MCC: variants seen among roughly 807,000 people sequenced by gnomAD.
The protein encoded by MCC is colorectal mutant cancer protein.
MCC carries 90 observed loss-of-function variants against 116.2 expected under a neutral mutation model. The ratio of observed to expected loss-of-function variants is 0.77; its 90% confidence interval spans 0.65 to 0.92. The LOEUF is 0.92. Among genes scored for constraint, MCC ranks in the 40% least tolerant of loss-of-function variants. The probability of loss-of-function intolerance (pLI) is 0.00; values close to 1 mark genes in which losing one functional copy is unlikely to be tolerated. For synonymous variants in MCC, 578 were observed against 510.5 expected (o/e 1.13, Z -1.78); for missense variants, 1,516 against 1,312.2 (o/e 1.16, Z -2.40).
At chr5:113,157,392 C>T (rs1760230512) in intron 3 of MCC, among the ~76,000 whole-genome samples, 1 of 152,222 alleles carries the variant, frequency 6.6e-6, no homozygotes, top group South Asian at 2.1e-4. Flanking sequence ...CTAGATTCAT[C>T]TTTGTGGGAC....
intron 6 of MCC, among the ~76,000 whole-genome samples, chr5:113,107,202 G>GTTTTTCTTTTTTT (rs367546788): frequency 7.5e-6 from 1 of 132,508 alleles, no homozygotes; most frequent in Non-Finnish European, 1.6e-5. Context: ...ATAGTAGCAT[G>GTTTTTCTTTTTTT]TTTTTCTTTT....
chr5:113,449,558 T>C (rs1428341245), intron 1 of MCC, among the ~76,000 whole-genome samples: 1 of 152,210 alleles, frequency 6.6e-6, no homozygotes, highest in Non-Finnish European at 1.5e-5. Flanking sequence ...ATGATTTCTG[T>C]GAGGACTTAT....
intron 3 of MCC, among the ~76,000 whole-genome samples, chr5:113,163,667 C>T (rs185736599): frequency 6.6e-5 from 10 of 152,228 alleles, no homozygotes; most frequent in South Asian, 2.1e-4. Context: ...TAGAATTTCA[C>T]GCAGTATTTG....
At chr5:113,471,707 G>T (rs542364882) in intron 1 of MCC, among the ~76,000 whole-genome samples, 184 of 148,730 alleles carry the variant, frequency 1.2e-3, no homozygotes, top group Non-Finnish European at 2.2e-3. Flanking sequence ...GTCAGAGAGG[G>T]ACATTTAAGT....
intron 1 of MCC, among the ~76,000 whole-genome samples, chr5:113,481,026 C>T (rs961475841): frequency 1.3e-5 from 2 of 152,334 alleles, no homozygotes; most frequent in African/African-American, 2.4e-5. Flanking sequence ...ATCCACCTGC[C>T]TCAGCCTCCC....
At chr5:113,365,957 C>A (rs1768677285) in intron 2 of MCC, among the ~76,000 whole-genome samples, 1 of 152,176 alleles carries the variant, frequency 6.6e-6, no homozygotes. Context: ...TAATCACTTC[C>A]CACCAGGCCC....
intron 11 of MCC, among the ~76,000 whole-genome samples, chr5:113,072,585 G>C (rs1343259415): frequency 1.3e-5 from 2 of 152,128 alleles, no homozygotes; most frequent in Non-Finnish European, 2.9e-5. Flanking sequence ...CCTCACTTAA[G>C]CCATGGTGGG....
At chr5:113,275,922 T>C (rs1765804319) in intron 3 of MCC, among the ~76,000 whole-genome samples, 1 of 151,772 alleles carries the variant, frequency 6.6e-6, no homozygotes, top group Non-Finnish European at 1.5e-5. Flanking sequence ...AATGTTCAAG[T>C]GAAATTCCCT....
At chr5:113,039,212 T>A (rs1337772067) in intron 17 of MCC, among the ~76,000 whole-genome samples, 1 of 152,232 alleles carries the variant, frequency 6.6e-6, no homozygotes, top group Non-Finnish European at 1.5e-5. Context: ...TTTAAAAAGA[T>A]ATTTTTTACT....
At chr5:113,473,939 G>A (rs1772163472) in intron 1 of MCC, among the ~76,000 whole-genome samples, 1 of 152,086 alleles carries the variant, frequency 6.6e-6, no homozygotes, top group African/African-American at 2.4e-5. Flanking sequence ...AAAAATCCCA[G>A]AAGAAGAAAA....
intron 2 of MCC, among the ~76,000 whole-genome samples, chr5:113,342,369 G>A (rs1768039559): frequency 6.6e-6 from 1 of 152,134 alleles, no homozygotes; most frequent in Non-Finnish European, 1.5e-5. Flanking sequence ...TGGGATTGCT[G>A]GATCAAGTGG....
chr5:113,132,376 A>C (rs1266360882), intron 5 of MCC, among the ~76,000 whole-genome samples: 1 of 131,710 alleles, frequency 7.6e-6, no homozygotes, highest in Non-Finnish European at 1.7e-5. Flanking sequence ...GTGTGTGTAT[A>C]TATATACATA....
At chr5:113,303,275 A>C (rs1766905421) in intron 3 of MCC, among the ~76,000 whole-genome samples, 1 of 152,198 alleles carries the variant, frequency 6.6e-6, no homozygotes, top group South Asian at 2.1e-4. Context: ...AGAACATATG[A>C]GGTCACCAAG....
chr5:113,065,700 C>A (rs768568680), intron 13 of MCC, among the ~76,000 whole-genome samples: 1 of 152,268 alleles, frequency 6.6e-6, no homozygotes, highest in Non-Finnish European at 1.5e-5. Context: ...GTGACATCAA[C>A]AAGAAACAAA....
In MCC at chr5:113,453,477, C is replaced by T. The variant is rs573231611; in HGVS notation, c.170+34768G>A. Among the ~76,000 whole-genome samples, 4 of 152,334 alleles carry T rather than the reference C, an allele frequency of 2.6e-5. 1 individual carries two copies. The South Asian group carries it at 8.3e-4, about 32-fold the overall frequency. Reference sequence around the variant, plus strand: ...CTAGGCTGCTGTCACTGGGGCTTCACAGTCACCATGACACCCATGGCTTCA... The same window carrying T: ...CTAGGCTGCTGTCACTGGGGCTTCATAGTCACCATGACACCCATGGCTTCA... On this transcript the variant is annotated intron_variant, in intron 1 of 18. Coordinates refer to ENST00000408903, the MANE Select transcript of MCC (RefSeq NM_001085377.2).
intron 3 of MCC, among the ~76,000 whole-genome samples, chr5:113,242,514 T>C (rs1764410158): frequency 1.3e-5 from 2 of 151,976 alleles, no homozygotes; most frequent in African/African-American, 4.8e-5. Context: ...AACAGAGATA[T>C]GAATTAGTAA....
intron 8 of MCC, among the ~76,000 whole-genome samples, chr5:113,097,955 T>C (rs1394529601): frequency 2.0e-5 from 3 of 152,174 alleles, no homozygotes; most frequent in Non-Finnish European, 4.4e-5. Flanking sequence ...TTCCAAGACA[T>C]GCAGAAAATA....
chr5:113,043,387 G>T, intron 17 of MCC, 143 bp downstream of exon 17: 1 of 733,630 alleles, frequency 1.4e-6, no homozygotes, highest in Non-Finnish European at 2.4e-6. Flanking sequence ...GGCACCAACA[G>T]GCCTTCTCCA....
chr5:113,074,799 T>G (rs1378220339), intron 11 of MCC, among the ~76,000 whole-genome samples: 2 of 152,208 alleles, frequency 1.3e-5, no homozygotes, highest in Non-Finnish European at 2.9e-5. Context: ...GGATTGAAGA[T>G]CATATGAATG....
Sources: gnomAD v4.1 joint callset for allele counts (sites outside exome capture counted in the v4.1 genomes callset) on GRCh38, gnomAD v4.1.1 for gene constraint, MANE v1.5 for transcripts, NCBI Gene and HGNC (gene_info 2026-07-23, HGNC 2026-07-21) for gene names.